GDAP1: variants seen among roughly 807,000 people sequenced by gnomAD.
The protein encoded by GDAP1 is ganglioside induced differentiation associated protein 1.
A neutral mutation model predicts 40.1 loss-of-function variants in GDAP1; 34 were observed. The observed-to-expected ratio is 0.85, with a 90% CI of 0.64 to 1.13. GDAP1 has a LOEUF of 1.13. Ranked by LOEUF, GDAP1 falls within the 50% of genes most tolerant of loss-of-function variation. The probability of loss-of-function intolerance (pLI) is 0.00; values close to 1 mark genes in which losing one functional copy is unlikely to be tolerated. For synonymous variants in GDAP1, 170 were observed against 157.4 expected, an observed-to-expected ratio of 1.08 and a Z score of -0.60; for missense variants, 374 against 433.7, an observed-to-expected ratio of 0.86 and a Z score of 1.22.
intron 2 of GDAP1, among the ~76,000 whole-genome samples, chr8:74,377,934 C>T (rs7813701): frequency 0.29 from 44,604 of 151,834 alleles, 6,739 homozygotes; most frequent in Non-Finnish European, 0.34. Context: ...GAATACAATT[C>T]ATAGATAAAA....
At chr8:74,371,981 A>G (rs1227651964) in intron 2 of GDAP1, among the ~76,000 whole-genome samples, 2 of 120,614 alleles carry the variant, frequency 1.7e-5, no homozygotes, top group Non-Finnish European at 3.2e-5. Flanking sequence ...AAGTGTTCTT[A>G]TTGTTCAATT....
chr8:74,441,252 G>A (rs1323347819), intron 2 of GDAP1, among the ~76,000 whole-genome samples: 1 of 152,044 alleles, frequency 6.6e-6, no homozygotes, highest in Non-Finnish European at 1.5e-5. Flanking sequence ...AGGACATTGT[G>A]CCTTTTGTTT....
chr8:74,396,792 T>C (rs372952404), intron 2 of GDAP1, among the ~76,000 whole-genome samples: 1 of 152,208 alleles, frequency 6.6e-6, no homozygotes, highest in Non-Finnish European at 1.5e-5. Flanking sequence ...TCTTTGCTAT[T>C]GTGAATAGTG....
chr8:74,372,037 C>G (rs1033624460), intron 2 of GDAP1, among the ~76,000 whole-genome samples: 1 of 150,102 alleles, frequency 6.7e-6, no homozygotes, highest in Admixed American at 6.7e-5. Flanking sequence ...TTTGTCCTTG[C>G]GATAGTTTGC....
At chr8:74,418,001 T>A (rs1805806269) in intron 2 of GDAP1, among the ~76,000 whole-genome samples, 1 of 152,152 alleles carries the variant, frequency 6.6e-6, no homozygotes, top group African/African-American at 2.4e-5. Flanking sequence ...GATCTATATA[T>A]TGAAAATGAC....
rs1484547090 is a variant in GDAP1 at position 74,414,948 on chromosome 8, G to A, written c.165+63627G>A. ...ATTCAAAGCAAACAGAGAAAAAAAG[G>A]TGTTACCTGTAGGGAAAATAACTCC... On this transcript the variant is annotated intron_variant, in intron 2 of 2. Transcript: ENST00000523640. Among the ~76,000 whole-genome samples, 6 of 150,136 alleles carry A rather than the reference G, an allele frequency of 4.0e-5. 2 individuals are homozygous for A. Among genetic ancestry groups the A allele is most frequent in the African/African-American group, 1.5e-4 (6 of 39,502 alleles).
chr8:74,386,594 A>G (rs1330197630), intron 2 of GDAP1, among the ~76,000 whole-genome samples: 1 of 152,132 alleles, frequency 6.6e-6, no homozygotes. Flanking sequence ...GTAGCCTTGT[A>G]ATATAGCTGG....
At chr8:74,447,405 A>G (rs943333609) in intron 2 of GDAP1, among the ~76,000 whole-genome samples, 4 of 152,108 alleles carry the variant, frequency 2.6e-5, no homozygotes, top group Non-Finnish European at 4.4e-5. Flanking sequence ...TTTCTGTAGT[A>G]CAGTTTGAGT....
chr8:74,395,763 T>G (rs772757310), intron 2 of GDAP1, among the ~76,000 whole-genome samples: 1 of 152,216 alleles, frequency 6.6e-6, no homozygotes, highest in Non-Finnish European at 1.5e-5. Context: ...TCTAGTCATT[T>G]GGTTTTAGGC....
At chr8:74,427,254 G>T (rs930511144) in intron 2 of GDAP1, among the ~76,000 whole-genome samples, 2 of 152,184 alleles carry the variant, frequency 1.3e-5, no homozygotes, top group Non-Finnish European at 2.9e-5. Context: ...TCCTATGTGA[G>T]TTACATCTCA....
At chr8:74,358,824 C>T (rs75659588) in intron 2 of GDAP1, among the ~76,000 whole-genome samples, 28,620 of 152,054 alleles carry the variant, frequency 0.19, 2,957 homozygotes, top group Admixed American at 0.31. Flanking sequence ...AATTGTATCT[C>T]TATTTAAAGG....
intron 2 of GDAP1, among the ~76,000 whole-genome samples, chr8:74,388,358 C>T (rs1375041048): frequency 6.6e-6 from 1 of 151,940 alleles, no homozygotes; most frequent in Non-Finnish European, 1.5e-5. Context: ...AGCTGTGTCC[C>T]AGAAATTCTG....
chr8:74,406,072 A>C lies in GDAP1; in HGVS notation c.165+54751A>C, dbSNP rs75508072. ...AAACCATTTTAATGTAGGAATATAAAGGCCTTGGCATAAACAAAAGCTAAC... is the reference window on the plus strand; with the variant it reads ...AAACCATTTTAATGTAGGAATATAACGGCCTTGGCATAAACAAAAGCTAAC... On this transcript the variant is annotated intron_variant, in intron 2 of 2. Transcript: ENST00000523640. Among the ~76,000 whole-genome samples, 207 of 150,380 alleles carry C rather than the reference A, an allele frequency of 1.4e-3. 21 individuals are homozygous for C. Among genetic ancestry groups the C allele is most frequent in the African/African-American group, 4.8e-3 (192 of 39,664 alleles).
In GDAP1 at chr8:74,365,164, A is replaced by G. The variant is rs7007283; in HGVS notation, c.*797A>G. 0.99 allele frequency: 451,730 copies of G among 454,124 alleles called. 224,705 individuals are homozygous for G. Among genetic ancestry groups the G allele is most frequent in the East Asian group, 1 (14,391 of 14,392 alleles). The allele number at this position is 454,124 out of a possible 1,614,324, so 28.1% of individuals were successfully genotyped here. On this transcript the variant is annotated 3_prime_UTR_variant, in exon 6 of 6. Transcript: ENST00000220822. ...GTCCCAGCTAATCACTAGCATGTCT[A>G]GGTATTGGCTGGGTAGTGGGTATTT...
At chr8:74,375,522 A>G (rs1809838719) in intron 2 of GDAP1, among the ~76,000 whole-genome samples, 1 of 152,232 alleles carries the variant, frequency 6.6e-6, no homozygotes, top group Non-Finnish European at 1.5e-5. Context: ...TAACCAAATA[A>G]AGATGAAACA....
At chr8:74,430,512 G>A (rs191609162) in intron 2 of GDAP1, among the ~76,000 whole-genome samples, 1 of 152,266 alleles carries the variant, frequency 6.6e-6, no homozygotes, top group East Asian at 1.9e-4. Context: ...GCAATGTAGA[G>A]TAAAGTGTAT....
chr8:74,372,324 G>C (rs1029425092), intron 2 of GDAP1, among the ~76,000 whole-genome samples: 19 of 152,148 alleles, frequency 1.2e-4, no homozygotes, highest in African/African-American at 4.6e-4. Context: ...TCTAGTTCTA[G>C]ATCCTTGAGG....
chr8:74,394,027 G>A (rs1810153695), intron 2 of GDAP1, among the ~76,000 whole-genome samples: 1 of 152,142 alleles, frequency 6.6e-6, no homozygotes. Context: ...CTTTCACACT[G>A]TTGATAAAGA....
intron 2 of GDAP1, among the ~76,000 whole-genome samples, chr8:74,379,459 G>T (rs1255001264): frequency 6.6e-6 from 1 of 152,156 alleles, no homozygotes; most frequent in African/African-American, 2.4e-5. Context: ...CATGGTGGAT[G>T]ATTGTATTAT....
Sources: allele counts gnomAD v4.1 joint callset (sites outside exome capture counted in the v4.1 genomes callset), GRCh38; gene constraint gnomAD v4.1.1; transcripts MANE v1.5; gene names NCBI Gene and HGNC (gene_info 2026-07-23, HGNC 2026-07-21).